The following CDK6 variants were observed in gnomAD, a reference collection of about 807,000 sequenced individuals.
The protein encoded by CDK6 is cyclin-dependent kinase 6.
A neutral mutation model predicts 37.1 loss-of-function variants in CDK6; 6 were observed. The observed-to-expected ratio is 0.16, with a 90% CI of 0.09 to 0.32. The LOEUF is 0.32. CDK6 is among the 10% of genes least tolerant of loss of function. The pLI is 1.00. For synonymous variants in CDK6, 160 were observed against 161.3 expected (o/e 0.99, Z 0.06); for missense variants, 224 against 418.9 (o/e 0.53, Z 4.06).
chr7:92,833,425 C>A lies in CDK6; in HGVS notation c.-102G>T. The A allele has an allele frequency of 1.2e-6, 1 of 808,102 alleles. No individual in the cohort carries two copies. Among genetic ancestry groups the A allele is most frequent in the Non-Finnish European group, 1.9e-6 (1 of 528,366 alleles). The allele number at this position is 808,102 out of a possible 1,614,324, so 50.1% of individuals were successfully genotyped here. A position where few individuals can be genotyped will look rare whatever the true frequency, so the allele number is the denominator to read the frequency against. ...GCCTACTCCGGGGCTCCCCGGAGAT[C>A]GGTCTAGCTTTACTTGCTCCCCGCC... On this transcript the variant is annotated 5_prime_UTR_variant, in exon 2 of 8. Transcript: ENST00000424848. This position sits in a 1 kb window ranked among gnomAD's most constrained non-coding sequence, Gnocchi z 6.1.
intron 4 of CDK6, among the ~76,000 whole-genome samples, chr7:92,676,806 T>C (rs936680979): frequency 6.6e-6 from 1 of 151,412 alleles, no homozygotes; most frequent in Admixed American, 6.6e-5. Context: ...TTTCACAGAG[T>C]TGCAAAATTT....
intron 7 of CDK6, among the ~76,000 whole-genome samples, chr7:92,616,667 G>T (rs1007755264): frequency 6.6e-6 from 1 of 152,126 alleles, no homozygotes; most frequent in East Asian, 1.9e-4. Flanking sequence ...TTAGGTAGTG[G>T]CATTTAATCT....
rs984034797 is a variant in CDK6 at position 92,833,355 on chromosome 7, T to A, written c.-32A>T. The A allele has an allele frequency of 3.4e-6, 5 of 1,473,540 alleles. No homozygotes were observed. The highest frequency in any genetic ancestry group is 1.4e-5 in the African/African-American group (1 of 69,908). The allele number at this position is 1,473,540 out of a possible 1,614,324, so 91.3% of individuals were successfully genotyped here. A position where few individuals can be genotyped will look rare whatever the true frequency, so the allele number is the denominator to read the frequency against. On this transcript the variant is annotated 5_prime_UTR_variant, in exon 2 of 8. Coordinates refer to ENST00000424848, the MANE Select transcript of CDK6 (RefSeq NM_001145306.2). This position sits in a 1 kb window ranked among gnomAD's most constrained non-coding sequence, Gnocchi z 6.1. ...TGGACGCCGCCCGCCGCGGCGCCGC[T>A]GGGGCGGGCGGGGGGTGCGCTCAAC...
intron 7 of CDK6, among the ~76,000 whole-genome samples, chr7:92,616,649 G>A (rs750068689): frequency 1.3e-5 from 2 of 152,130 alleles, no homozygotes; most frequent in Non-Finnish European, 2.9e-5. Context: ...AGCCCAAGAA[G>A]GAGAAAATTA....
chr7:92,791,313 T>G (rs1160022449), intron 2 of CDK6, among the ~76,000 whole-genome samples: 1 of 152,146 alleles, frequency 6.6e-6, no homozygotes, highest in African/African-American at 2.4e-5. Context: ...TTCCAACAAC[T>G]TTACAGCTCT....
intron 5 of CDK6, among the ~76,000 whole-genome samples, chr7:92,636,700 G>A (rs1394704740): frequency 1.3e-5 from 2 of 152,002 alleles, no homozygotes; most frequent in African/African-American, 4.8e-5. Context: ...CCCCTGAGAC[G>A]GAGTGCCCAG....
At chr7:92,625,257 C>CCT (rs1795899646) in intron 5 of CDK6, among the ~76,000 whole-genome samples, 1 of 150,048 alleles carries the variant, frequency 6.7e-6, no homozygotes, top group Non-Finnish European at 1.5e-5. Context: ...CACACACACA[C>CCT]ACCTCTCTTA....
At chr7:92,755,661 T>C (rs940127898) in intron 3 of CDK6, among the ~76,000 whole-genome samples, 4 of 152,156 alleles carry the variant, frequency 2.6e-5, no homozygotes, top group African/African-American at 7.2e-5. Context: ...GAGTGGCAAA[T>C]TGCTGCAGGA....
At chr7:92,822,586 G>A (rs1377527499) in intron 2 of CDK6, among the ~76,000 whole-genome samples, 2 of 151,996 alleles carry the variant, frequency 1.3e-5, no homozygotes, top group Non-Finnish European at 2.9e-5. Context: ...GAGATAATGC[G>A]TGAGCAAAAC....
intron 2 of CDK6, among the ~76,000 whole-genome samples, chr7:92,787,184 A>C (rs13230518): frequency 2.1e-5 from 3 of 142,256 alleles, no homozygotes; most frequent in Non-Finnish European, 4.6e-5. Flanking sequence ...AGACTCCATC[A>C]CAAAAAAAAA....
chr7:92,818,383 C>G (rs1258608448), intron 2 of CDK6, among the ~76,000 whole-genome samples: 5 of 152,002 alleles, frequency 3.3e-5, no homozygotes, highest in African/African-American at 1.2e-4. Context: ...GCGGAAATAG[C>G]TGGATATCCA....
Position 92,615,145 on chromosome 7 carries a change from C to G in CDK6, c.976G>C (p.Ala326Pro), listed in dbSNP as rs763800540. 5 of 1,613,576 alleles carry G rather than the reference C, an allele frequency of 3.1e-6. No homozygotes were observed. Among genetic ancestry groups the G allele is most frequent in the Non-Finnish European group, 4.2e-6 (5 of 1,179,976 alleles). The change falls in exon 8 of 8, where the codon GCC (alanine) becomes CCC (proline). Residue 326 changes from alanine (A) to proline (P), a missense_variant. By Grantham distance (27) the Ala-to-Pro change is conservative (BLOSUM62 -1). Transcript: ENST00000424848. ...TTAAGGCGGCTGCTGAGGCCTCAGG[C>G]TGTATTCAGCTCCGAGGTGTTCTGG... Reference protein sequence around the residue: ...PSQNTSELNTA With the variant: ...PSQNTSELNTP
intron 3 of CDK6, among the ~76,000 whole-genome samples, chr7:92,730,879 A>AT (rs749437665): frequency 5.9e-5 from 9 of 152,216 alleles, no homozygotes; most frequent in Non-Finnish European, 8.8e-5. Flanking sequence ...TCTGCTTTCA[A>AT]TTTTTTTGGA....
chr7:92,658,359 C>A (rs1005300519), intron 5 of CDK6, among the ~76,000 whole-genome samples: 2 of 152,102 alleles, frequency 1.3e-5, no homozygotes, highest in Non-Finnish European at 2.9e-5. Flanking sequence ...GACCAAAAAA[C>A]CCCTAAATGT....
At chr7:92,733,379 T>C (rs1798699455) in intron 3 of CDK6, among the ~76,000 whole-genome samples, 1 of 152,228 alleles carries the variant, frequency 6.6e-6, no homozygotes, top group Non-Finnish European at 1.5e-5. Context: ...ATCACTAGGA[T>C]GCCCAGCTAA....
chr7:92,826,735 G>T (rs1277665207), intron 2 of CDK6, among the ~76,000 whole-genome samples: 2 of 152,124 alleles, frequency 1.3e-5, no homozygotes, highest in Non-Finnish European at 1.5e-5. Flanking sequence ...ACATGTGTAT[G>T]CCTTACAGTT....
At position 92,671,253 on chromosome 7, in the gene CDK6, A is replaced by T. The variant is rs532008829; in HGVS notation, c.647+173T>A. On this transcript the variant is annotated intron_variant, in intron 5 of 7. Coordinates refer to ENST00000424848, the MANE Select transcript of CDK6 (RefSeq NM_001145306.2). Reference sequence around the variant, plus strand: ...GCAAGCTACAGTCATATAAAACAACACTGTAAGCACTGAGAAGGCGGTTTC... The same window carrying T: ...GCAAGCTACAGTCATATAAAACAACTCTGTAAGCACTGAGAAGGCGGTTTC... 58 of 418,490 alleles carry T rather than the reference A, an allele frequency of 1.4e-4. No homozygotes were observed. In the South Asian group the frequency reaches 4.1e-3, roughly 29 times the overall value. 25.9% of individuals were successfully genotyped at this position (418,490 alleles called of 1,614,324 possible). A position where few individuals can be genotyped will look rare whatever the true frequency, so the allele number is the denominator to read the frequency against.
At chr7:92,632,771 A>G (rs1168426722) in intron 5 of CDK6, among the ~76,000 whole-genome samples, 1 of 151,290 alleles carries the variant, frequency 6.6e-6, no homozygotes, top group Admixed American at 6.6e-5. Context: ...AAAAATTAAA[A>G]ATAAAAAATT....
intron 5 of CDK6, among the ~76,000 whole-genome samples, chr7:92,669,373 G>C (rs548418338): frequency 6.6e-6 from 1 of 152,110 alleles, no homozygotes; most frequent in African/African-American, 2.4e-5. Context: ...CCTTAGTAGT[G>C]AATACTTAAT....
Sources: allele counts gnomAD v4.1 joint callset (sites outside exome capture counted in the v4.1 genomes callset), GRCh38; gene constraint gnomAD v4.1.1; non-coding constraint Gnocchi (gnomAD v3.1); transcripts MANE v1.5; gene names NCBI Gene and HGNC (gene_info 2026-07-23, HGNC 2026-07-21).